Variants in RAB3B observed in about 807,000 individuals in gnomAD.
RAB3B encodes the protein RAB3B, member RAS oncogene family.
A neutral mutation model predicts 20.5 loss-of-function variants in RAB3B; 11 were observed. That is an observed-to-expected ratio of 0.54 (90% CI 0.34 to 0.89). The LOEUF (loss-of-function observed/expected upper bound fraction) is 0.89. Ranked by LOEUF, RAB3B falls within the 40% of genes least tolerant of loss-of-function variation. The pLI is 0.02. For missense variants in RAB3B, 225 were observed against 280.9 expected, an observed-to-expected ratio of 0.80 and a Z score of 1.42; for synonymous variants, 99 against 106.3, an observed-to-expected ratio of 0.93 and a Z score of 0.42.
At chr1:51,923,124 G>A (rs1267061386) in intron 4 of RAB3B, among the ~76,000 whole-genome samples, 2 of 152,214 alleles carry the variant, frequency 1.3e-5, no homozygotes, top group African/African-American at 4.8e-5. Context: ...TCTCCCATCT[G>A]CAGTTCACAT....
At chr1:51,978,037 T>A (rs1270579113) in intron 1 of RAB3B, among the ~76,000 whole-genome samples, 1 of 151,974 alleles carries the variant, frequency 6.6e-6, no homozygotes, top group African/African-American at 2.4e-5. Context: ...GTATTCCTTC[T>A]GCCTAGAATT....
At chr1:51,920,824 A>G (rs560658455) in intron 4 of RAB3B, among the ~76,000 whole-genome samples, 1 of 152,218 alleles carries the variant, frequency 6.6e-6, no homozygotes, top group Admixed American at 6.5e-5. Context: ...TTCACACTGA[A>G]TAAGTCTTCT....
intron 2 of RAB3B, among the ~76,000 whole-genome samples, chr1:51,965,302 A>T (rs967658219): frequency 6.6e-6 from 1 of 152,188 alleles, no homozygotes; most frequent in African/African-American, 2.4e-5. Context: ...ATTAGTGATG[A>T]TAGTTGCATA....
intron 2 of RAB3B, among the ~76,000 whole-genome samples, chr1:51,946,231 T>G (rs528919387): frequency 3.9e-5 from 6 of 152,168 alleles, no homozygotes; most frequent in Non-Finnish European, 7.3e-5. Flanking sequence ...CTATTACTGT[T>G]GATATTGTTG....
chr1:51,979,392 TC>T (rs1204038987), intron 1 of RAB3B, among the ~76,000 whole-genome samples: 1 of 151,286 alleles, frequency 6.6e-6, no homozygotes, highest in Non-Finnish European at 1.5e-5. Flanking sequence ...TGCCTTAGCC[TC>T]CCAAGTAGCT....
intron 1 of RAB3B, among the ~76,000 whole-genome samples, chr1:51,977,578 G>A (rs2124312712): frequency 6.6e-6 from 1 of 152,218 alleles, no homozygotes. Flanking sequence ...GGAGGAAGCA[G>A]CTCCTGAGCT....
chr1:51,967,352 G>A (rs1257486137), intron 2 of RAB3B, among the ~76,000 whole-genome samples: 1 of 151,436 alleles, frequency 6.6e-6, no homozygotes. Flanking sequence ...TAAAATGAGA[G>A]ACTGAGATGT....
chr1:51,975,156 G>A (rs145096408), intron 2 of RAB3B, among the ~76,000 whole-genome samples: 3 of 152,348 alleles, frequency 2.0e-5, no homozygotes, highest in African/African-American at 7.2e-5. Context: ...GGAAATTGCA[G>A]TGAGCCAAGA....
Position 51,912,214 on chromosome 1 carries a change from T to G in RAB3B, c.*7713A>C, listed in dbSNP as rs1448210764. On this transcript the variant is annotated 3_prime_UTR_variant, in exon 5 of 5. Transcript: ENST00000371655. ...CAATCATGGCTATGGCTCACTGTAT[T>G]CTTGACCTCCAGGGCTCAATCGATC... 6.6e-6 allele frequency: 1 copy of G among 150,660 alleles called. No individual in the cohort carries two copies. The highest frequency in any genetic ancestry group is 6.6e-5 in the Admixed American group (1 of 15,080). 9.3% of individuals were successfully genotyped at this position (150,660 alleles called of 1,614,324 possible). A position where few individuals can be genotyped will look rare whatever the true frequency, so the allele number is the denominator to read the frequency against.
chr1:51,971,167 T>C (rs919793761), intron 2 of RAB3B, among the ~76,000 whole-genome samples: 5 of 151,798 alleles, frequency 3.3e-5, no homozygotes, highest in African/African-American at 7.3e-5. Flanking sequence ...AGCAAACCTA[T>C]GAGGCTTTAA....
chr1:51,962,169 T>A (rs534737275), intron 2 of RAB3B, among the ~76,000 whole-genome samples: 2 of 152,302 alleles, frequency 1.3e-5, no homozygotes, highest in East Asian at 3.9e-4. Flanking sequence ...TCAGTTTACT[T>A]CTCTGTAAAA....
At chr1:51,936,022 T>G (rs1004297873) in intron 3 of RAB3B, among the ~76,000 whole-genome samples, 6 of 152,136 alleles carry the variant, frequency 3.9e-5, no homozygotes, top group Non-Finnish European at 5.9e-5. Context: ...GCTGTGTATG[T>G]GAAGCCAACA....
In RAB3B at chr1:51,916,781, G is replaced by A. The variant is rs1684091817; in HGVS notation, c.*3146C>T. The A allele has an allele frequency of 6.6e-6, 1 of 152,232 alleles. No individual in the cohort carries two copies. The highest frequency in any genetic ancestry group is 1.9e-4 in the East Asian group (1 of 5,202). The allele number at this position is 152,232 out of a possible 1,614,324, so 9.4% of individuals were successfully genotyped here. A position where few individuals can be genotyped will look rare whatever the true frequency, so the allele number is the denominator to read the frequency against. On this transcript the variant is annotated 3_prime_UTR_variant, in exon 5 of 5. Coordinates refer to ENST00000371655, the MANE Select transcript of RAB3B (RefSeq NM_002867.4). Reference sequence around the variant, plus strand: ...CATGGGATCTGTTGCCTCAGAGACTGACTCGCCTTTCCTGAGCATTAGACA... The same window carrying A: ...CATGGGATCTGTTGCCTCAGAGACTAACTCGCCTTTCCTGAGCATTAGACA...
At chr1:51,972,486 T>C (rs1439398137) in intron 2 of RAB3B, among the ~76,000 whole-genome samples, 1 of 149,920 alleles carries the variant, frequency 6.7e-6, no homozygotes, top group Non-Finnish European at 1.5e-5. Context: ...TTTTTTCTTT[T>C]TTCTTTTTTT....
At chr1:51,953,752 G>A (rs1684671048) in intron 2 of RAB3B, among the ~76,000 whole-genome samples, 1 of 152,224 alleles carries the variant, frequency 6.6e-6, no homozygotes, top group Non-Finnish European at 1.5e-5. Context: ...AGTGAGCCAA[G>A]GTCGTGCCAC....
intron 4 of RAB3B, 81 bp from the exon 5 acceptor site, chr1:51,920,195 T>C: frequency 1.6e-6 from 2 of 1,245,722 alleles, no homozygotes; most frequent in South Asian, 1.5e-5. Context: ...CCAAGCACTC[T>C]GGATTAATAT....
intron 1 of RAB3B, among the ~76,000 whole-genome samples, chr1:51,988,635 G>C (rs920733073): frequency 3.3e-5 from 5 of 152,160 alleles, no homozygotes; most frequent in African/African-American, 1.2e-4. Context: ...CTTGGGAATG[G>C]ATGAAGAAAT....
chr1:51,959,511 CA>C (rs35927367), intron 2 of RAB3B, among the ~76,000 whole-genome samples: 27 of 151,894 alleles, frequency 1.8e-4, no homozygotes, highest in Admixed American at 3.9e-4. Flanking sequence ...GACCCTATTC[CA>C]AAAAAAGGAA....
chr1:51,934,244 G>A (rs897461343), intron 3 of RAB3B, among the ~76,000 whole-genome samples: 12 of 152,004 alleles, frequency 7.9e-5, no homozygotes, highest in Non-Finnish European at 1.5e-4. Context: ...CATGGCTTGT[G>A]CTTTTGCCTA....
Sources: gnomAD v4.1 joint callset for allele counts (sites outside exome capture counted in the v4.1 genomes callset) on GRCh38, gnomAD v4.1.1 for gene constraint, MANE v1.5 for transcripts, NCBI Gene and HGNC (gene_info 2026-07-23, HGNC 2026-07-21) for gene names.